Variants in ANKRD6 observed in about 807,000 individuals in gnomAD.
ANKRD6 encodes the protein ankyrin repeat domain-containing protein 6.
A neutral mutation model predicts 82.3 loss-of-function variants in ANKRD6; 56 were observed. The ratio of observed to expected loss-of-function variants is 0.68; its 90% CI spans 0.55 to 0.85. The LOEUF (loss-of-function observed/expected upper bound fraction) is 0.85. Ranked by LOEUF, ANKRD6 falls within the 40% of genes least tolerant of loss-of-function variation. The pLI is 0.00. For missense variants in ANKRD6, 852 were observed against 907.6 expected, an observed-to-expected ratio of 0.94 and a Z score of 0.79; for synonymous variants, 347 against 352.1, an observed-to-expected ratio of 0.99 and a Z score of 0.16.
chr6:89,471,093 C>T (rs1036521820), intron 1 of ANKRD6, among the ~76,000 whole-genome samples: 2 of 151,916 alleles, frequency 1.3e-5, no homozygotes, highest in Non-Finnish European at 2.9e-5. Flanking sequence ...AGACTGAAGT[C>T]TTCTGGGGAC....
intron 5 of ANKRD6, among the ~76,000 whole-genome samples, chr6:89,611,416 A>G (rs1563059701): frequency 6.6e-6 from 1 of 152,180 alleles, no homozygotes; most frequent in Non-Finnish European, 1.5e-5. Flanking sequence ...GGATGACACA[A>G]TGTCACCTAT....
rs369187028 is a variant in ANKRD6, at chr6:89,609,160, A to T, written c.417+3055A>T. Among the ~76,000 whole-genome samples the T allele has an allele frequency of 1.7e-4, 26 of 152,184 alleles. No individual in the cohort carries two copies. In the East Asian group the frequency reaches 4.8e-3, roughly 28 times the overall value. On this transcript the variant is annotated intron_variant, in intron 5 of 15. Coordinates refer to ENST00000339746, the MANE Select transcript of ANKRD6 (RefSeq NM_001242809.2). ...CATATTTTTCATGGTTCCCTCATGG[A>T]TCAAAAGCTTGAGGTCTGAGAGCAG...
intron 5 of ANKRD6, among the ~76,000 whole-genome samples, chr6:89,607,882 G>A (rs923687660): frequency 1.9e-5 from 2 of 106,818 alleles, no homozygotes; most frequent in African/African-American, 8.6e-5. Flanking sequence ...TCCTGACCCC[G>A]TGATCTGCCC....
At chr6:89,439,719 G>A (rs1458356356) in intron 1 of ANKRD6, among the ~76,000 whole-genome samples, 4 of 151,930 alleles carry the variant, frequency 2.6e-5, no homozygotes, top group African/African-American at 9.7e-5. Flanking sequence ...CTTTTTCCGA[G>A]ACAGGGTCTC....
At chr6:89,442,288 G>A (rs548361854) in intron 1 of ANKRD6, among the ~76,000 whole-genome samples, 1 of 152,164 alleles carries the variant, frequency 6.6e-6, no homozygotes, top group Non-Finnish European at 1.5e-5. Context: ...GAGCCACTGC[G>A]CCTGGCCCAT....
At chr6:89,529,176 A>G (rs1042505481) in intron 1 of ANKRD6, among the ~76,000 whole-genome samples, 1 of 152,248 alleles carries the variant, frequency 6.6e-6, no homozygotes, top group Admixed American at 6.5e-5. Flanking sequence ...TTCCAGTAGA[A>G]GGCTGATTCA....
At chr6:89,494,483 G>A (rs1778373354) in intron 1 of ANKRD6, among the ~76,000 whole-genome samples, 1 of 152,196 alleles carries the variant, frequency 6.6e-6, no homozygotes, top group Non-Finnish European at 1.5e-5. Context: ...TCCAACTCAA[G>A]TTTGGTCAAG....
chr6:89,536,558 C>T (rs1365521492), intron 1 of ANKRD6, among the ~76,000 whole-genome samples: 1 of 152,208 alleles, frequency 6.6e-6, no homozygotes, highest in African/African-American at 2.4e-5. Context: ...ATGTCGAAGA[C>T]ATGTTTGGGA....
intron 1 of ANKRD6, among the ~76,000 whole-genome samples, chr6:89,523,583 C>G (rs1297336156): frequency 6.6e-6 from 1 of 152,138 alleles, no homozygotes; most frequent in Non-Finnish European, 1.5e-5. Context: ...CCTTCTGGAT[C>G]CAGAATTCAG....
chr6:89,469,050 T>G (rs556185252), intron 1 of ANKRD6, among the ~76,000 whole-genome samples: 1 of 152,284 alleles, frequency 6.6e-6, no homozygotes, highest in Non-Finnish European at 1.5e-5. Flanking sequence ...CTTTGCACTT[T>G]CCTATACCCA....
chr6:89,502,083 TA>T (rs1188323336), intron 1 of ANKRD6, among the ~76,000 whole-genome samples: 3 of 152,238 alleles, frequency 2.0e-5, no homozygotes, highest in Non-Finnish European at 4.4e-5. Context: ...AATCTCTTTT[TA>T]TTCAGTTTCT....
intron 11 of ANKRD6, 145 bp downstream of exon 11, chr6:89,623,689 A>T: frequency 7.5e-7 from 1 of 1,333,540 alleles, no homozygotes. Flanking sequence ...AATCTGGCTA[A>T]CATCAGACAT....
chr6:89,484,629 C>T (rs1051332308), intron 1 of ANKRD6, among the ~76,000 whole-genome samples: 2 of 152,180 alleles, frequency 1.3e-5, no homozygotes, highest in African/African-American at 4.8e-5. Flanking sequence ...GAGTTCAGTA[C>T]ACAGTGTGCA....
At chr6:89,565,346 C>G (rs1788261177) in intron 1 of ANKRD6, 1 of 152,320 alleles carries the variant, frequency 6.6e-6, no homozygotes, top group South Asian at 2.1e-4. Flanking sequence ...CTCTCTTTTT[C>G]TGCTATTCTT....
At chr6:89,485,290 G>A (rs543415315) in intron 1 of ANKRD6, among the ~76,000 whole-genome samples, 12 of 152,356 alleles carry the variant, frequency 7.9e-5, no homozygotes, top group Admixed American at 7.2e-4. Context: ...TGAACGCTAT[G>A]TTTTCTGGGG....
chr6:89,515,735 G>T (rs1411503273), intron 1 of ANKRD6, among the ~76,000 whole-genome samples: 1 of 151,978 alleles, frequency 6.6e-6, no homozygotes, highest in African/African-American at 2.4e-5. Context: ...GCTTCTCCTG[G>T]ATTATCTGGA....
chr6:89,554,062 G>A (rs997242779), intron 1 of ANKRD6, among the ~76,000 whole-genome samples: 2 of 152,188 alleles, frequency 1.3e-5, no homozygotes, highest in Non-Finnish European at 2.9e-5. Context: ...GATTTTCAGT[G>A]GCTGAGACAA....
chr6:89,536,155 G>A (rs2094053494), intron 1 of ANKRD6, among the ~76,000 whole-genome samples: 1 of 152,136 alleles, frequency 6.6e-6, no homozygotes, highest in African/African-American at 2.4e-5. Flanking sequence ...CCTTGAACCT[G>A]GAAAACGGAG....
chr6:89,592,747 A>T (rs756287179), intron 2 of ANKRD6, among the ~76,000 whole-genome samples: 1 of 152,120 alleles, frequency 6.6e-6, no homozygotes, highest in African/African-American at 2.4e-5. Flanking sequence ...GGAGGTACTC[A>T]TGCATCTGGG....
Sources: allele counts gnomAD v4.1 joint callset (sites outside exome capture counted in the v4.1 genomes callset), GRCh38; gene constraint gnomAD v4.1.1; transcripts MANE v1.5; gene names NCBI Gene and HGNC (gene_info 2026-07-23, HGNC 2026-07-21).